Variants in OCM observed in about 807,000 individuals in gnomAD.
OCM encodes the protein oncomodulin, also known as oncomodulin-1.
A neutral mutation model predicts 14.1 loss-of-function variants in OCM; 18 were observed. The ratio of observed to expected loss-of-function variants is 1.28; its 90% CI spans 0.88 to 1.89. The LOEUF (loss-of-function observed/expected upper bound fraction) is 1.89, where lower values mean the gene tolerates loss of function less well. Ranked by LOEUF, OCM falls within the 40% of genes most tolerant of loss-of-function variation. OCM has a pLI of 0.00. For missense variants in OCM, 140 were observed against 137.6 expected, an observed-to-expected ratio of 1.02 and a Z score of -0.09; for synonymous variants, 48 against 51.0, an observed-to-expected ratio of 0.94 and a Z score of 0.25.
At chr7:5,866,679 C>G in the OCM span, among the ~76,000 whole-genome samples, 1 of 152,176 alleles carries the variant, frequency 6.6e-6, no homozygotes. Context: ...ACTGCTAAAA[C>G]CATTTGGGTG....
intron 1 of OCM, 138 bp downstream of exon 1, chr7:5,881,088 G>A (rs1436141984): frequency 1.2e-5 from 9 of 779,682 alleles, no homozygotes; most frequent in Non-Finnish European, 1.9e-5. Flanking sequence ...GGAGGCCGAG[G>A]CGGGTGGATC....
the OCM span, among the ~76,000 whole-genome samples, chr7:5,869,583 G>C: frequency 6.6e-6 from 1 of 151,978 alleles, no homozygotes; most frequent in Non-Finnish European, 1.5e-5. Context: ...TGGCAACAGA[G>C]ATTCCATCTA....
chr7:5,880,205 A>G (rs1292447357), upstream of OCM, among the ~76,000 whole-genome samples: 1 of 152,212 alleles, frequency 6.6e-6, no homozygotes, highest in African/African-American at 2.4e-5. Flanking sequence ...GCAACATTGC[A>G]TCTCTCGGGC....
upstream of OCM, among the ~76,000 whole-genome samples, chr7:5,878,610 TGTG>T (rs1483561452): frequency 6.6e-6 from 1 of 150,948 alleles, no homozygotes; most frequent in East Asian, 2.0e-4. Flanking sequence ...AGCCGGGTGT[TGTG>T]GCGGGCGCCT....
the OCM span, among the ~76,000 whole-genome samples, chr7:5,874,139 T>TCGTGAAC: frequency 1.4e-5 from 2 of 140,800 alleles, no homozygotes; most frequent in African/African-American, 5.3e-5. Flanking sequence ...CAGAAGAATC[T>TCGTGAAC]CGTGAACCTC....
intron 2 of OCM, 148 bp from the exon 3 acceptor site, chr7:5,883,742 C>G: frequency 1.4e-6 from 1 of 727,676 alleles, no homozygotes; most frequent in East Asian, 2.7e-5. Context: ...TTGGTTTCTA[C>G]AGCTTAAGGA....
chr7:5,879,712 T>C (rs1468271237), upstream of OCM: 6 of 150,448 alleles, frequency 4.0e-5, no homozygotes, highest in Admixed American at 2.0e-4. Context: ...TTTTTTTTTT[T>C]TACAATTGGC....
the OCM span, among the ~76,000 whole-genome samples, chr7:5,871,103 T>C: frequency 6.6e-6 from 1 of 152,142 alleles, no homozygotes; most frequent in African/African-American, 2.4e-5. Flanking sequence ...TCCCAGCAGT[T>C]TGGGAGGCCA....
upstream of OCM, among the ~76,000 whole-genome samples, chr7:5,878,495 C>T (rs996773815): frequency 2.0e-5 from 3 of 151,434 alleles, no homozygotes; most frequent in Non-Finnish European, 4.4e-5. Flanking sequence ...GCCTGTAATC[C>T]CAGCACTTTG....
chr7:5,860,764 ATATT>A, the OCM span, among the ~76,000 whole-genome samples: 2 of 146,350 alleles, frequency 1.4e-5, no homozygotes, highest in Non-Finnish European at 3.0e-5. Context: ...ACGTATATAT[ATATT>A]CGTATATATA....
the OCM span, among the ~76,000 whole-genome samples, chr7:5,870,761 GT>G: frequency 6.7e-6 from 1 of 150,114 alleles, no homozygotes; most frequent in African/African-American, 2.5e-5. Context: ...TTTAACACAT[GT>G]TAGCATAAGT....
At chr7:5,864,720 C>G in the OCM span, among the ~76,000 whole-genome samples, 1 of 152,014 alleles carries the variant, frequency 6.6e-6, no homozygotes, top group Admixed American at 6.6e-5. Flanking sequence ...TTTGGGAGGC[C>G]AAGCCAGGCG....
At chr7:5,883,863 T>C in intron 2 of OCM, 27 bp from the exon 3 acceptor site, 4 of 1,612,348 alleles carry the variant, frequency 2.5e-6, no homozygotes, top group Non-Finnish European at 3.4e-6. Context: ...TTTTTGAAAA[T>C]CCCCATGGAT....
At chr7:5,870,046 T>C in the OCM span, among the ~76,000 whole-genome samples, 1 of 137,084 alleles carries the variant, frequency 7.3e-6, no homozygotes, top group Middle Eastern at 3.4e-3. Flanking sequence ...GTTTTCTTCG[T>C]TATTATATAT....
rs1781278169 is a variant in OCM, at chr7:5,883,902, G to C, written c.207G>C (p.Gln69His). 6.2e-7 allele frequency: 1 copy of C among 1,612,600 alleles called. No individual in the cohort carries two copies. The highest frequency in any genetic ancestry group is 1.3e-5 in the African/African-American group (1 of 74,878). The change falls in exon 3 of 4, where the codon CAG becomes CAC. Residue 69 changes from glutamine to histidine, a missense_variant. Physicochemically the swap from Gln to His is conservative, Grantham distance 24. Coordinates refer to ENST00000242104, the MANE Select transcript of OCM (RefSeq NM_001097622.2). The part of the protein sequence containing the change: ...LDEEELKFFL[Q>H]KFESGARELT... ...TATTATCCTGTAGGTTTTTCCTCCA[G>C]AAGTTTGAGAGTGGTGCCAGAGAAC...
intron 1 of OCM, among the ~76,000 whole-genome samples, chr7:5,881,408 G>A (rs186540674): frequency 6.6e-6 from 1 of 151,558 alleles, no homozygotes; most frequent in East Asian, 1.9e-4. Flanking sequence ...GACTGTTTGA[G>A]CCCAGGAGTT....
At chr7:5,884,646 G>C (rs1016786326) in intron 3 of OCM, among the ~76,000 whole-genome samples, 1 of 151,288 alleles carries the variant, frequency 6.6e-6, no homozygotes, top group East Asian at 1.9e-4. Context: ...TGCCAACTCA[G>C]CAGAACATAT....
the OCM span, among the ~76,000 whole-genome samples, chr7:5,874,583 C>T: frequency 1.3e-5 from 2 of 151,994 alleles, no homozygotes; most frequent in South Asian, 2.1e-4. Context: ...CAGCTCACTG[C>T]AGCCTCAAAC....
chr7:5,871,209 G>C, the OCM span, among the ~76,000 whole-genome samples: 9 of 151,672 alleles, frequency 5.9e-5, no homozygotes, highest in East Asian at 1.9e-4. Context: ...AAATAAATTA[G>C]CTGGGTATGG....
Sources: allele counts gnomAD v4.1 joint callset (sites outside exome capture counted in the v4.1 genomes callset), GRCh38; gene constraint gnomAD v4.1.1; transcripts MANE v1.5; gene names NCBI Gene and HGNC (gene_info 2026-07-23, HGNC 2026-07-21).